The following PDE4D variants were observed in gnomAD, a reference collection of about 807,000 sequenced individuals.
The protein encoded by PDE4D is 3',5'-cyclic-AMP phosphodiesterase 4D.
A neutral mutation model predicts 87.4 loss-of-function variants in PDE4D; 24 were observed. The ratio of observed to expected loss-of-function variants is 0.27; its 90% CI spans 0.20 to 0.39. The LOEUF (loss-of-function observed/expected upper bound fraction) is 0.39. Ranked by LOEUF, PDE4D falls within the 10% of genes least tolerant of loss-of-function variation. The pLI is 1.00. For synonymous variants in PDE4D, 384 were observed against 383.2 expected (o/e 1.00, Z -0.02); for missense variants, 714 against 1,041.0 (o/e 0.69, Z 4.32).
chr5:59,739,498 A>C (rs1758551970), intron 1 of PDE4D, among the ~76,000 whole-genome samples: 3 of 152,216 alleles, frequency 2.0e-5, no homozygotes, highest in Non-Finnish European at 4.4e-5. Flanking sequence ...TACAATTCAC[A>C]ATAGAAAATT....
At chr5:59,488,932 C>G (rs760592941) in intron 1 of PDE4D, among the ~76,000 whole-genome samples, 2 of 152,134 alleles carry the variant, frequency 1.3e-5, no homozygotes, top group African/African-American at 2.4e-5. Context: ...TGACAAAGTT[C>G]TGTGGTAAAT....
intron 2 of PDE4D, among the ~76,000 whole-genome samples, chr5:60,105,384 G>T (rs905180777): frequency 2.0e-5 from 3 of 152,222 alleles, no homozygotes; most frequent in Non-Finnish European, 4.4e-5. Context: ...ATCTATGTCG[G>T]ATTGGTGTAC....
At chr5:59,137,808 A>G (rs768856724) in intron 5 of PDE4D, among the ~76,000 whole-genome samples, 22 of 152,284 alleles carry the variant, frequency 1.4e-4, no homozygotes, top group East Asian at 5.8e-4. Context: ...TTACAGGCGT[A>G]AGCCACCACG....
intron 1 of PDE4D, among the ~76,000 whole-genome samples, chr5:60,338,534 G>A (rs1333756381): frequency 6.6e-6 from 1 of 152,134 alleles, no homozygotes; most frequent in African/African-American, 2.4e-5. Flanking sequence ...GCCAGGGGCT[G>A]CCAGAATGCA....
intron 1 of PDE4D, among the ~76,000 whole-genome samples, chr5:59,681,796 G>A (rs932726740): frequency 4.6e-5 from 7 of 151,498 alleles, no homozygotes; most frequent in African/African-American, 9.7e-5. Flanking sequence ...CCAGCTACTC[G>A]GGAAACTGAG....
chr5:60,317,121 C>CT (rs1562317023), intron 1 of PDE4D, among the ~76,000 whole-genome samples: 2 of 152,078 alleles, frequency 1.3e-5, no homozygotes, highest in African/African-American at 2.4e-5. Flanking sequence ...TGGTCCTGGA[C>CT]TTTTTTTGGT....
At chr5:59,976,165 GAGGGGATC>G (rs1193427907) in intron 3 of PDE4D, among the ~76,000 whole-genome samples, 1 of 152,106 alleles carries the variant, frequency 6.6e-6, no homozygotes, top group East Asian at 1.9e-4. Flanking sequence ...ATGCATGATT[GAGGGGATC>G]AGTATATTTA....
intron 5 of PDE4D, among the ~76,000 whole-genome samples, chr5:59,107,355 T>G (rs1771782674): frequency 6.6e-6 from 1 of 152,128 alleles, no homozygotes; most frequent in South Asian, 2.1e-4. Flanking sequence ...ATTACAGGCA[T>G]TCACCACCAT....
At chr5:59,237,606 A>G (rs1756718034) in intron 1 of PDE4D, among the ~76,000 whole-genome samples, 1 of 152,186 alleles carries the variant, frequency 6.6e-6, no homozygotes, top group South Asian at 2.1e-4. Context: ...GATTAATATT[A>G]AGTGAATGAA....
At chr5:59,034,394 T>C (rs193215541) in intron 6 of PDE4D, among the ~76,000 whole-genome samples, 46 of 152,326 alleles carry the variant, frequency 3.0e-4, no homozygotes, top group Non-Finnish European at 4.6e-4. Flanking sequence ...CCAATTAACT[T>C]AGTTTCCTTC....
intron 1 of PDE4D, among the ~76,000 whole-genome samples, chr5:59,328,555 A>G (rs991950474): frequency 3.9e-5 from 6 of 152,156 alleles, no homozygotes; most frequent in African/African-American, 1.4e-4. Flanking sequence ...TCAGTACACA[A>G]TCCACAAAAT....
Position 59,474,669 on chromosome 5 carries a change from T to C in PDE4D, c.456-258701A>G, listed in dbSNP as rs541696892. Among the ~76,000 whole-genome samples, 3 of 152,114 alleles carry C rather than the reference T, an allele frequency of 2.0e-5. No homozygotes were observed. The South Asian group carries it at 6.2e-4, about 32-fold the overall frequency. On this transcript the variant is annotated intron_variant, in intron 1 of 14. Coordinates refer to ENST00000340635, the MANE Select transcript of PDE4D (RefSeq NM_001104631.2). Reference sequence around the variant, plus strand: ...AAGTAGAGCCTCTTGCCAATCCCTCTTGGGTATGTATGAAGAGAACAAGAA... The same window carrying C: ...AAGTAGAGCCTCTTGCCAATCCCTCCTGGGTATGTATGAAGAGAACAAGAA...
chr5:60,062,436 G>GAGAA (rs1771508855), intron 2 of PDE4D, among the ~76,000 whole-genome samples: 1 of 152,156 alleles, frequency 6.6e-6, no homozygotes, highest in Admixed American at 6.5e-5. Flanking sequence ...AGAGGCTGTG[G>GAGAA]AGAAAGAGGA....
chr5:59,636,285 T>C (rs558569032), intron 1 of PDE4D, among the ~76,000 whole-genome samples: 2 of 152,256 alleles, frequency 1.3e-5, no homozygotes, highest in East Asian at 1.9e-4. Context: ...AGAATCAATA[T>C]AGTGAAAATG....
intron 1 of PDE4D, among the ~76,000 whole-genome samples, chr5:59,582,813 C>T (rs959026764): frequency 3.9e-5 from 6 of 152,166 alleles, no homozygotes; most frequent in Non-Finnish European, 7.4e-5. Context: ...TGCCTCTTCA[C>T]TGGAGTTACC....
chr5:60,073,587 G>A (rs991833769), intron 2 of PDE4D, among the ~76,000 whole-genome samples: 5 of 150,730 alleles, frequency 3.3e-5, no homozygotes, highest in African/African-American at 1.2e-4. Context: ...GTTTCAATAA[G>A]AATGATTCCA....
At chr5:60,093,788 T>G (rs1775384278) in intron 2 of PDE4D, among the ~76,000 whole-genome samples, 1 of 111,882 alleles carries the variant, frequency 8.9e-6, no homozygotes, top group African/African-American at 3.4e-5. Context: ...AATGTAAAAA[T>G]GTTTTTTGCA....
At chr5:60,184,434 C>T (rs1784616837) in intron 2 of PDE4D, among the ~76,000 whole-genome samples, 1 of 152,072 alleles carries the variant, frequency 6.6e-6, no homozygotes, top group East Asian at 1.9e-4. Context: ...AAAAGGAATT[C>T]CAGGCTCAAA....
At chr5:59,891,681 A>G (rs1750976624) in intron 1 of PDE4D, among the ~76,000 whole-genome samples, 1 of 152,200 alleles carries the variant, frequency 6.6e-6, no homozygotes, top group Non-Finnish European at 1.5e-5. Flanking sequence ...TGAGCCAGGC[A>G]AAGGGCTAAG....
Sources: allele counts gnomAD v4.1 joint callset (sites outside exome capture counted in the v4.1 genomes callset), GRCh38; gene constraint gnomAD v4.1.1; transcripts MANE v1.5; gene names NCBI Gene and HGNC (gene_info 2026-07-23, HGNC 2026-07-21).